The following IGSF10 variants were observed in gnomAD, a reference collection of about 807,000 sequenced individuals.
IGSF10 encodes immunoglobulin superfamily member 10.
Under a neutral mutation model 128.2 loss-of-function variants are expected in IGSF10, and 126 were observed. The observed-to-expected ratio is 0.98, with a 90% confidence interval of 0.85 to 1.14. The LOEUF (loss-of-function observed/expected upper bound fraction) is 1.14. Among genes scored for constraint, IGSF10 ranks in the 50% most tolerant of loss-of-function variants. The probability of loss-of-function intolerance (pLI) is 0.00; values close to 1 mark genes in which losing one functional copy is unlikely to be tolerated. For missense variants in IGSF10, 3,295 were observed against 3,149.8 expected, an observed-to-expected ratio of 1.05 and a Z score of -1.10; for synonymous variants, 1,185 against 1,146.2, an observed-to-expected ratio of 1.03 and a Z score of -0.68.
chr3:151,506,566 A>G, the IGSF10 span, among the ~76,000 whole-genome samples: 1 of 152,142 alleles, frequency 6.6e-6, no homozygotes, highest in Admixed American at 6.6e-5. Flanking sequence ...CTTTTGTTTA[A>G]GGTGCTTTTC....
the IGSF10 span, among the ~76,000 whole-genome samples, chr3:151,522,810 C>A: frequency 1.3e-5 from 2 of 152,070 alleles, no homozygotes; most frequent in Non-Finnish European, 2.9e-5. Flanking sequence ...CACTGCTGTT[C>A]AACATAGTTT....
Position 151,448,708 on chromosome 3 carries a change from C to A in IGSF10, c.1273G>T (p.Asp425Tyr), listed in dbSNP as rs763438910. ...FTNIEADLRA[D>Y]PSWLMQDQIS... is the part of the protein sequence containing the mutation. ...TGGTCTTGCATTAACCAAGAGGGAT[C>A]TGCTCTGAGATCTGCCTCTATGTTG... The change falls in exon 6 of 8, where the codon GAT becomes TAT. Residue 425 changes from aspartate (D) to tyrosine (Y), a missense_variant. Coordinates refer to ENST00000282466, the MANE Select transcript of IGSF10 (RefSeq NM_178822.5). 1 of 1,614,094 alleles carries A rather than the reference C, an allele frequency of 6.2e-7. No individual in the cohort carries two copies. Among genetic ancestry groups the A allele is most frequent in the Admixed American group, 1.7e-5 (1 of 60,026 alleles).
chr3:151,585,435 A>C, the IGSF10 span, among the ~76,000 whole-genome samples: 248 of 151,002 alleles, frequency 1.6e-3, no homozygotes, highest in Non-Finnish European at 3.0e-3. Context: ...AATTTCTTTT[A>C]CTCTGTCTCA....
At chr3:151,441,305 C>T (rs1310353184) in intron 7 of IGSF10, among the ~76,000 whole-genome samples, 2 of 152,172 alleles carry the variant, frequency 1.3e-5, no homozygotes, top group Non-Finnish European at 1.5e-5. Context: ...GAGTGGAAGA[C>T]AGAATTCTTA....
the IGSF10 span, among the ~76,000 whole-genome samples, chr3:151,516,947 G>C: frequency 6.6e-6 from 1 of 151,490 alleles, no homozygotes; most frequent in Admixed American, 6.6e-5. Flanking sequence ...ATATAATTCT[G>C]ATTTCCCACC....
the IGSF10 span, among the ~76,000 whole-genome samples, chr3:151,556,320 T>C: frequency 1.3e-5 from 2 of 152,100 alleles, no homozygotes; most frequent in Admixed American, 1.3e-4. Flanking sequence ...TGTATGAAAG[T>C]CTTTGGAATC....
At chr3:151,500,268 A>G in the IGSF10 span, among the ~76,000 whole-genome samples, 1 of 152,100 alleles carries the variant, frequency 6.6e-6, no homozygotes, top group East Asian at 1.9e-4. Context: ...CCCTTTAGGA[A>G]AAGAGAATGA....
At chr3:151,458,427 T>C in intron 3 of IGSF10, 89 bp downstream of exon 3, 1 of 935,390 alleles carries the variant, frequency 1.1e-6, no homozygotes, top group Non-Finnish European at 1.5e-6. Context: ...CAATTGAGAT[T>C]CATCTCCCAA....
At chr3:151,566,107 C>G in the IGSF10 span, 1 of 152,712 alleles carries the variant, frequency 6.5e-6, no homozygotes, top group Admixed American at 6.6e-5. Context: ...GAGGCCCTAG[C>G]TACATGTCAT....
Position 151,443,584 on chromosome 3 carries a change from G to A in IGSF10, c.5363C>T (p.Ser1788Leu), listed in dbSNP as rs201090385. The A allele has an allele frequency of 6.2e-7, 1 of 1,614,228 alleles. No homozygotes were observed. The highest frequency in any genetic ancestry group is 8.5e-7 in the Non-Finnish European group (1 of 1,180,050). ...TWILANQTVV[S>L]ESSQGSRQAV... ...CTGCCTACTTCCCTGGGATGATTCT[G>A]AGACAACTGTTTGGTTTGCAAGAAT... Residue 1788 changes from serine (S) to leucine (L), a missense_variant, in exon 7 of 8, where the codon TCA becomes TTA. Physicochemically the swap from Ser to Leu is moderately radical, Grantham distance 145 (BLOSUM62 -2). Coordinates refer to ENST00000282466, the MANE Select transcript of IGSF10 (RefSeq NM_178822.5).
rs1245964813 is a variant in IGSF10, at chr3:151,445,774, C to A, written c.4207G>T (p.Gly1403Trp). The A allele has an allele frequency of 1.2e-6, 2 of 1,614,166 alleles. No homozygotes were observed. The highest frequency in any genetic ancestry group is 1.7e-6 in the Non-Finnish European group (2 of 1,180,042). ...TGAAAACTGATTGTGCTTGAAATCC[C>A]AGTTGTGTTTTCTGGTGGGGAATGA... ...FTHSPPENTT[G>W]ISSTISFHSR... Residue 1403 changes from glycine (G) to tryptophan (W), a missense_variant, in exon 6 of 8, where the codon GGG becomes TGG. Coordinates refer to ENST00000282466, the MANE Select transcript of IGSF10 (RefSeq NM_178822.5).
rs1721296571 is a variant in IGSF10 at position 151,447,933 on chromosome 3, T to C, written c.2048A>G (p.Glu683Gly). 6.2e-7 allele frequency: 1 copy of C among 1,614,116 alleles called. No individual in the cohort carries two copies. Among genetic ancestry groups the C allele is most frequent in the Non-Finnish European group, 8.5e-7 (1 of 1,179,980 alleles). Residue 683 changes from glutamate (E) to glycine (G), a missense_variant, in exon 6 of 8, where the codon GAG (glutamate) becomes GGG (glycine). Coordinates refer to ENST00000282466, the MANE Select transcript of IGSF10 (RefSeq NM_178822.5). ...DGETEGSGLD[E>G]SNPIAHLKEP... ...CTTAAGATGAGCAATAGGATTGGAC[T>C]CATCAAGTCCAGATCCCTCTGTTTC...
At chr3:151,527,711 A>C in the IGSF10 span, among the ~76,000 whole-genome samples, 2 of 152,302 alleles carry the variant, frequency 1.3e-5, no homozygotes, top group Non-Finnish European at 2.9e-5. Context: ...GCACTTTGGA[A>C]GGCTGAGGTG....
chr3:151,522,449 A>T, the IGSF10 span, among the ~76,000 whole-genome samples: 1 of 152,114 alleles, frequency 6.6e-6, no homozygotes, highest in African/African-American at 2.4e-5. Flanking sequence ...CCTCAAGAAA[A>T]TGCTTGCAAA....
the IGSF10 span, among the ~76,000 whole-genome samples, chr3:151,547,021 C>CT: frequency 5.9e-5 from 9 of 152,102 alleles, no homozygotes; most frequent in Middle Eastern, 3.4e-3. Flanking sequence ...TCCACCCCCC[C>CT]CTTGGCCTCC....
At chr3:151,577,219 C>T in the IGSF10 span, among the ~76,000 whole-genome samples, 2 of 151,942 alleles carry the variant, frequency 1.3e-5, no homozygotes, top group Non-Finnish European at 2.9e-5. Flanking sequence ...TGGTAGTTAC[C>T]TTTTTTGAGC....
In IGSF10 at chr3:151,449,385, A is replaced by G. The variant is rs150218837; in HGVS notation, c.716-120T>C. The G allele has an allele frequency of 3.7e-4, 369 of 994,194 alleles. 3 individuals carry two copies. The African/African-American group carries it at 5.3e-3, about 14-fold the overall frequency. 61.6% of individuals were successfully genotyped at this position (994,194 alleles called of 1,614,324 possible). On this transcript the variant is annotated intron_variant, in intron 5 of 7. Coordinates refer to ENST00000282466, the MANE Select transcript of IGSF10 (RefSeq NM_178822.5). The stretch of plus-strand genomic sequence containing the variant: ...ATTTGGAAATTTTAGTGTTCAATGG[A>G]AAGTTTTCTGATTTTTTGCTTCTGA...
the IGSF10 span, among the ~76,000 whole-genome samples, chr3:151,494,973 A>G: frequency 1.3e-5 from 2 of 152,148 alleles, no homozygotes; most frequent in East Asian, 3.8e-4. Context: ...TTTGAAAAGC[A>G]TAGAAAGAAT....
At chr3:151,560,384 G>A in the IGSF10 span, among the ~76,000 whole-genome samples, 6 of 151,904 alleles carry the variant, frequency 3.9e-5, no homozygotes, top group African/African-American at 7.3e-5. Flanking sequence ...CTCCTATTCC[G>A]TCTAACTCAG....
Sources: allele counts gnomAD v4.1 joint callset (sites outside exome capture counted in the v4.1 genomes callset), GRCh38; gene constraint gnomAD v4.1.1; transcripts MANE v1.5; gene names NCBI Gene and HGNC (gene_info 2026-07-23, HGNC 2026-07-21).